Variants in TMPRSS13 observed in about 807,000 individuals in gnomAD.
TMPRSS13 encodes transmembrane protease serine 13.
In TMPRSS13, 50 loss-of-function variants were observed where a neutral mutation model predicts 68.4. The observed-to-expected ratio is 0.73, with a 90% confidence interval of 0.58 to 0.93. The LOEUF (loss-of-function observed/expected upper bound fraction) is 0.93, where lower values mean the gene tolerates loss of function less well. TMPRSS13 is among the 40% of genes least tolerant of loss of function. TMPRSS13 has a pLI of 0.00. For missense variants in TMPRSS13, 615 were observed against 729.2 expected, an observed-to-expected ratio of 0.84 and a Z score of 1.80; for synonymous variants, 267 against 285.8, an observed-to-expected ratio of 0.93 and a Z score of 0.66.
At chr11:117,907,796 C>G in intron 9 of TMPRSS13, 2 of 985,390 alleles carry the variant, frequency 2.0e-6, no homozygotes, top group Non-Finnish European at 2.4e-6. Context: ...TTGGCCTCTA[C>G]TGGTCGTCTT....
chr11:117,918,926 T>G, intron 1 of TMPRSS13, 88 bp from the exon 2 acceptor site: 1 of 1,554,728 alleles, frequency 6.4e-7, no homozygotes, highest in Non-Finnish European at 8.7e-7. Context: ...AGATGAATGC[T>G]CTGGGGCAGC....
chr11:117,904,221 T>G, intron 10 of TMPRSS13, 120 bp from the exon 11 acceptor site: 6 of 1,366,844 alleles, frequency 4.4e-6, no homozygotes, highest in Non-Finnish European at 5.9e-6. Flanking sequence ...GAATGGAGGG[T>G]GCCATGCCCG....
At chr11:117,919,736 G>A (rs1409677986) in intron 1 of TMPRSS13, among the ~76,000 whole-genome samples, 9 of 152,252 alleles carry the variant, frequency 5.9e-5, no homozygotes, top group Non-Finnish European at 1.3e-4. Context: ...TGGGAGGTTG[G>A]TATTTTGGAA....
At position 117,915,322 on chromosome 11, in the gene TMPRSS13, C is replaced by T. The variant is rs534366071; in HGVS notation, c.557-808G>A. Among the ~76,000 whole-genome samples, 2 of 152,336 alleles carry T rather than the reference C, an allele frequency of 1.3e-5. No individual in the cohort carries two copies. Among genetic ancestry groups the T allele is most frequent in the South Asian group, 4.1e-4 (2 of 4,826 alleles). ...ACCCGGGTTCTAACTTCTCACCCTGCCGCTCCTCCTCCACCAGCTCCTCAG... is the reference window on the plus strand; with the variant it reads ...ACCCGGGTTCTAACTTCTCACCCTGTCGCTCCTCCTCCACCAGCTCCTCAG... On this transcript the variant is annotated intron_variant, in intron 3 of 12. Coordinates refer to ENST00000524993, the MANE Select transcript of TMPRSS13 (RefSeq NM_001077263.3). This position sits in a 1 kb window ranked among gnomAD's most constrained non-coding sequence, Gnocchi z 4.9.
chr11:117,926,312 G>T (rs978542382), intron 1 of TMPRSS13, among the ~76,000 whole-genome samples: 2 of 152,204 alleles, frequency 1.3e-5, no homozygotes, highest in South Asian at 4.1e-4. Context: ...CAGGTGCCAG[G>T]GTCCTTGGGG....
Position 117,905,639 on chromosome 11 carries a change from A to G in TMPRSS13, c.1380T>C (p.Asp460=), listed in dbSNP as rs373860095. The change falls in exon 10 of 13, where the codon GAT becomes GAC. Residue 460 remains aspartate, a splice_region_variant and synonymous_variant. Transcript: ENST00000524993. The part of the protein sequence containing the change: ...ITGFGKTRET[D]DKTSPFLREV... Reference sequence around the variant, plus strand: ...CAACCAAGCATCTTTGCCTCTTACCATCTGTCTCCCTGGTCTTGCCAAAGC... The same window carrying G: ...CAACCAAGCATCTTTGCCTCTTACCGTCTGTCTCCCTGGTCTTGCCAAAGC... The G allele has an allele frequency of 3.1e-6, 5 of 1,596,496 alleles. No homozygotes were observed. In the African/African-American group the frequency reaches 4.0e-5, roughly 13 times the overall value.
intron 1 of TMPRSS13, among the ~76,000 whole-genome samples, chr11:117,928,224 C>A (rs1431008381): frequency 1.3e-5 from 2 of 152,196 alleles, no homozygotes; most frequent in African/African-American, 4.8e-5. Context: ...CTCTGATAAC[C>A]CCCCAAGGCC....
At chr11:117,910,035 A>G (rs2057506454) in intron 7 of TMPRSS13, 67 bp from the exon 8 acceptor site, 2 of 1,576,026 alleles carry the variant, frequency 1.3e-6, no homozygotes, top group African/African-American at 2.7e-5. Flanking sequence ...GCTCCTGATC[A>G]GGATGCCTCT....
intron 1 of TMPRSS13, among the ~76,000 whole-genome samples, chr11:117,920,060 C>T (rs1565353105): frequency 6.6e-6 from 1 of 152,140 alleles, no homozygotes; most frequent in Non-Finnish European, 1.5e-5. Flanking sequence ...CTGTGACCTG[C>T]CAAGACCAGG....
chr11:117,927,022 AG>A (rs1240452951), intron 1 of TMPRSS13, among the ~76,000 whole-genome samples: 2 of 152,234 alleles, frequency 1.3e-5, no homozygotes, highest in African/African-American at 4.8e-5. Flanking sequence ...TCGGATCAAA[AG>A]GTTTCTCTGT....
rs145871185 is a variant in TMPRSS13, at chr11:117,910,670, C to T, written c.946+37G>A. ...TGCCCCTCTGCCCTTTACTCCCACA[C>T]GACACTGGCCACAATCCAAGAAGAA... On this transcript the variant is annotated intron_variant, in intron 7 of 12. Coordinates refer to ENST00000524993, the MANE Select transcript of TMPRSS13 (RefSeq NM_001077263.3). 892 of 1,592,062 alleles carry T rather than the reference C, an allele frequency of 5.6e-4. 2 individuals carry two copies. In the African/African-American group the frequency reaches 9.4e-3, roughly 17 times the overall value.
chr11:117,921,438 C>T (rs1243550878), intron 1 of TMPRSS13, among the ~76,000 whole-genome samples: 1 of 152,218 alleles, frequency 6.6e-6, no homozygotes. Flanking sequence ...CTAGCACAGT[C>T]GTCTCATTCC....
intron 7 of TMPRSS13, 50 bp downstream of exon 7, chr11:117,910,657 C>T (rs776345690): frequency 1.9e-6 from 3 of 1,569,920 alleles, no homozygotes; most frequent in African/African-American, 1.4e-5. Context: ...CCCCTCTGCC[C>T]TTTACTCCCA....
chr11:117,913,952 G>T (rs2057547481), intron 4 of TMPRSS13, 46 bp from the exon 5 acceptor site: 3 of 1,600,092 alleles, frequency 1.9e-6, no homozygotes, highest in African/African-American at 1.3e-5. Flanking sequence ...CACCTAGGAA[G>T]CATCAAGCTC....
chr11:117,926,035 C>T (rs7107029), intron 1 of TMPRSS13, among the ~76,000 whole-genome samples: 11,002 of 151,306 alleles, frequency 0.073, 1,188 homozygotes, highest in African/African-American at 0.25. Context: ...CCTTGGAGGA[C>T]GAGGTGAAGG....
rs1248101592 is a variant in TMPRSS13 at position 117,911,749 on chromosome 11, C to T, written c.902+19G>A. Reference sequence around the variant, plus strand: ...CCTTCCCCTGCTCACAAACAGGCAGCCTGCCTGCCCCACCATACCTGTGGA... The same window carrying T: ...CCTTCCCCTGCTCACAAACAGGCAGTCTGCCTGCCCCACCATACCTGTGGA... On this transcript the variant is annotated intron_variant, in intron 6 of 12. Coordinates refer to ENST00000524993, the MANE Select transcript of TMPRSS13 (RefSeq NM_001077263.3). 5 of 1,605,508 alleles carry T rather than the reference C, an allele frequency of 3.1e-6. No homozygotes were observed. In the South Asian group the frequency reaches 5.5e-5, roughly 18 times the overall value.
chr11:117,923,871 C>T (rs1028928772), intron 1 of TMPRSS13, among the ~76,000 whole-genome samples: 2 of 149,086 alleles, frequency 1.3e-5, no homozygotes, highest in South Asian at 4.3e-4. Flanking sequence ...TCCTTCTAGT[C>T]CTGAAGAATG....
intron 1 of TMPRSS13, among the ~76,000 whole-genome samples, chr11:117,928,402 A>G (rs1464476564): frequency 1.3e-5 from 2 of 152,246 alleles, no homozygotes; most frequent in Admixed American, 1.3e-4. Flanking sequence ...ATGGACCACA[A>G]GCCAACTATA....
chr11:117,920,129 A>G (rs2057628318), intron 1 of TMPRSS13, among the ~76,000 whole-genome samples: 1 of 152,146 alleles, frequency 6.6e-6, no homozygotes, highest in Non-Finnish European at 1.5e-5. Flanking sequence ...TCTGGGTTAG[A>G]GAGACCAGGC....
Sources: gnomAD v4.1 joint callset for allele counts (sites outside exome capture counted in the v4.1 genomes callset) on GRCh38, gnomAD v4.1.1 for gene constraint, Gnocchi (gnomAD v3.1) non-coding constraint, MANE v1.5 for transcripts, NCBI Gene and HGNC (gene_info 2026-07-23, HGNC 2026-07-21) for gene names.